Variants in ARID2 observed in about 807,000 individuals in gnomAD.
ARID2 encodes AT-rich interaction domain 2.
Under a neutral mutation model 184.6 loss-of-function variants are expected in ARID2, and 32 were observed. The observed-to-expected ratio is 0.17, with a 90% confidence interval of 0.13 to 0.23. The LOEUF is 0.23. ARID2 is among the 10% of genes least tolerant of loss of function. The pLI, the probability that ARID2 is intolerant of heterozygous loss-of-function variation, is 1.00. For missense variants in ARID2, 1,696 were observed against 2,197.6 expected (o/e 0.77, Z 4.56); for synonymous variants, 836 against 772.6 (o/e 1.08, Z -1.36).
intron 3 of ARID2, among the ~76,000 whole-genome samples, chr12:45,803,406 A>T (rs1401901570): frequency 6.6e-6 from 1 of 152,222 alleles, no homozygotes; most frequent in African/African-American, 2.4e-5. Flanking sequence ...GTCTTCAGTG[A>T]TACAGAAGTT....
intron 15 of ARID2, among the ~76,000 whole-genome samples, chr12:45,854,872 T>C (rs550934415): frequency 3.9e-5 from 6 of 152,288 alleles, no homozygotes; most frequent in African/African-American, 1.2e-4. Context: ...ACAACCTTAT[T>C]AGGTAAAATT....
intron 3 of ARID2, among the ~76,000 whole-genome samples, chr12:45,748,167 A>G (rs1941394095): frequency 6.6e-6 from 1 of 152,146 alleles, no homozygotes; most frequent in Admixed American, 6.5e-5. Flanking sequence ...GTTTGAGACA[A>G]CCTAGGCAGT....
intron 3 of ARID2, among the ~76,000 whole-genome samples, chr12:45,791,525 A>C (rs988928506): frequency 2.0e-5 from 3 of 152,094 alleles, no homozygotes; most frequent in Non-Finnish European, 2.9e-5. Flanking sequence ...TTTTTCTGAA[A>C]TGTTCTTATA....
At chr12:45,741,131 C>T (rs915424437) in intron 3 of ARID2, among the ~76,000 whole-genome samples, 7 of 152,144 alleles carry the variant, frequency 4.6e-5, no homozygotes, top group Non-Finnish European at 1.0e-4. Context: ...GTGCTTGAAT[C>T]AGTTATTAAT....
chr12:45,846,712 C>T (rs1943448834), intron 11 of ARID2, 144 bp from the exon 12 acceptor site: 1 of 640,074 alleles, frequency 1.6e-6, no homozygotes, highest in East Asian at 2.8e-5. Context: ...TAGGTTTGTT[C>T]TCAAATGTGT....
chr12:45,899,671 T>TTTTATATA (rs1555161485), intron 20 of ARID2, among the ~76,000 whole-genome samples: 1 of 45,126 alleles, frequency 2.2e-5, no homozygotes, highest in Non-Finnish European at 5.2e-5. Flanking sequence ...ATATATATGG[T>TTTTATATA]TATATATGGT....
chr12:45,833,678 C>T (rs1943163032), intron 6 of ARID2, among the ~76,000 whole-genome samples: 1 of 152,162 alleles, frequency 6.6e-6, no homozygotes, highest in Non-Finnish European at 1.5e-5. Flanking sequence ...TTAGCCTTTA[C>T]TCTAGGGCTT....
At chr12:45,854,392 A>G (rs1160127866) in intron 15 of ARID2, among the ~76,000 whole-genome samples, 1 of 152,166 alleles carries the variant, frequency 6.6e-6, no homozygotes, top group Non-Finnish European at 1.5e-5. Context: ...TGGTGCCAAA[A>G]AGATTGGAGA....
chr12:45,863,818 C>CT (rs143655579), intron 16 of ARID2, among the ~76,000 whole-genome samples: 19 of 144,794 alleles, frequency 1.3e-4, no homozygotes, highest in Admixed American at 2.9e-4. Context: ...TATAATTCTC[C>CT]TTTTTTTTTC....
At chr12:45,842,126 A>G (rs1437870466) in intron 11 of ARID2, 1 of 151,518 alleles carries the variant, frequency 6.6e-6, no homozygotes, top group African/African-American at 2.4e-5. Context: ...GAGCATGGTG[A>G]TGCATGCGTG....
intron 6 of ARID2, among the ~76,000 whole-genome samples, chr12:45,825,136 T>C (rs181684758): frequency 6.6e-6 from 1 of 152,072 alleles, no homozygotes; most frequent in East Asian, 1.9e-4. Flanking sequence ...TGAGTACAAA[T>C]ACCTAGTTAG....
chr12:45,821,392 A>C lies in ARID2; in HGVS notation c.638-28A>C, dbSNP rs771229771. 6.0e-6 allele frequency: 8 copies of C among 1,328,210 alleles called. No individual in the cohort carries two copies. The African/African-American group carries it at 1.2e-4, about 20-fold the overall frequency. The allele number at this position is 1,328,210 out of a possible 1,614,324, so 82.3% of individuals were successfully genotyped here. Reference sequence around the variant, plus strand: ...GAAAGAATTTATTGCATTTTATTGAATGTACTATTTATTTATTTGTTTTTT... The same window carrying C: ...GAAAGAATTTATTGCATTTTATTGACTGTACTATTTATTTATTTGTTTTTT... On this transcript the variant is annotated intron_variant, in intron 5 of 20. Transcript: ENST00000334344.
chr12:45,753,803 A>G (rs1338814145), intron 3 of ARID2, among the ~76,000 whole-genome samples: 1 of 152,098 alleles, frequency 6.6e-6, no homozygotes, highest in Non-Finnish European at 1.5e-5. Flanking sequence ...TGTGTTGCTC[A>G]GGCTGGTCTC....
intron 18 of ARID2, among the ~76,000 whole-genome samples, 169 bp from the exon 19 acceptor site, chr12:45,893,250 AG>A (rs1944325926): frequency 6.6e-6 from 1 of 152,234 alleles, no homozygotes; most frequent in African/African-American, 2.4e-5. Flanking sequence ...CCCTTTGCCT[AG>A]GCTGTCACAG....
intron 4 of ARID2, among the ~76,000 whole-genome samples, chr12:45,813,736 G>A (rs2138086396): frequency 6.6e-6 from 1 of 152,226 alleles, no homozygotes. Flanking sequence ...ATGTGGGCCT[G>A]AATTTGCCTT....
At chr12:45,760,132 A>T (rs1592059326) in intron 3 of ARID2, among the ~76,000 whole-genome samples, 2 of 152,256 alleles carry the variant, frequency 1.3e-5, no homozygotes, top group Non-Finnish European at 2.9e-5. Context: ...TTTAATTAAC[A>T]GCTTAATTTC....
At chr12:45,848,187 A>C (rs1027468310) in intron 12 of ARID2, among the ~76,000 whole-genome samples, 1 of 152,030 alleles carries the variant, frequency 6.6e-6, no homozygotes, top group African/African-American at 2.4e-5. Context: ...TGAGTTATGG[A>C]AAGAGCCTAT....
At chr12:45,808,329 G>A (rs535713428) in intron 3 of ARID2, among the ~76,000 whole-genome samples, 2 of 152,124 alleles carry the variant, frequency 1.3e-5, no homozygotes, top group Non-Finnish European at 2.9e-5. Context: ...TATTGAGAGG[G>A]TGCCAAAATC....
chr12:45,902,028 G>T (rs921812627), intron 20 of ARID2, among the ~76,000 whole-genome samples: 2 of 152,180 alleles, frequency 1.3e-5, no homozygotes, highest in African/African-American at 4.8e-5. Flanking sequence ...GGAATGGAAA[G>T]AAACTTGTTT....
Sources: gnomAD v4.1 joint callset for allele counts (sites outside exome capture counted in the v4.1 genomes callset) on GRCh38, gnomAD v4.1.1 for gene constraint, MANE v1.5 for transcripts, NCBI Gene and HGNC (gene_info 2026-07-23, HGNC 2026-07-21) for gene names.